CDYL: variants seen among roughly 807,000 people sequenced by gnomAD.
The protein encoded by CDYL is chromodomain Y like, also known as chromodomain Y-like protein.
CDYL carries 8 observed loss-of-function variants against 47.3 expected under a neutral mutation model. The observed-to-expected ratio is 0.17, with a 90% CI of 0.10 to 0.31. CDYL has a LOEUF of 0.31. Ranked by LOEUF, CDYL falls within the 10% of genes least tolerant of loss-of-function variation. CDYL has a pLI of 1.00. For synonymous variants in CDYL, 266 were observed against 265.0 expected, an observed-to-expected ratio of 1.00 and a Z score of -0.04; for missense variants, 471 against 701.4, an observed-to-expected ratio of 0.67 and a Z score of 3.71.
intron 3 of CDYL, among the ~76,000 whole-genome samples, chr6:4,749,349 GAGAT>G (rs536733861): frequency 3.5e-4 from 22 of 62,240 alleles, no homozygotes; most frequent in South Asian, 7.0e-4. Context: ...GGCTGGATAT[GAGAT>G]AGATGGATGG....
intron 2 of CDYL, among the ~76,000 whole-genome samples, chr6:4,721,541 G>T (rs952392164): frequency 6.6e-6 from 1 of 151,958 alleles, no homozygotes; most frequent in Admixed American, 6.6e-5. Context: ...GTGCCACCAC[G>T]CTTGGATAAT....
chr6:4,805,533 C>G (rs1759345619), intron 1 of CDYL, among the ~76,000 whole-genome samples: 1 of 152,112 alleles, frequency 6.6e-6, no homozygotes, highest in African/African-American at 2.4e-5. Context: ...TGATGGAGGC[C>G]TAGAAGTCCC....
At chr6:4,746,815 G>C (rs1757906852) in intron 3 of CDYL, among the ~76,000 whole-genome samples, 1 of 152,154 alleles carries the variant, frequency 6.6e-6, no homozygotes, top group Non-Finnish European at 1.5e-5. Context: ...TTTCCCAGAA[G>C]AGGACTGTTG....
At chr6:4,913,059 C>T (rs1757458119) in intron 2 of CDYL, among the ~76,000 whole-genome samples, 1 of 152,178 alleles carries the variant, frequency 6.6e-6, no homozygotes, top group Admixed American at 6.5e-5. Context: ...TCTCAGAGTC[C>T]AGGCCAGGCT....
chr6:4,766,742 C>T (rs1015586139), intron 3 of CDYL, among the ~76,000 whole-genome samples: 14 of 152,098 alleles, frequency 9.2e-5, no homozygotes, highest in African/African-American at 3.4e-4. Flanking sequence ...CAGTGGCTCA[C>T]ACCTGTAATC....
chr6:4,889,829 T>C (rs974289758), intron 1 of CDYL, among the ~76,000 whole-genome samples: 2 of 152,198 alleles, frequency 1.3e-5, no homozygotes, highest in African/African-American at 4.8e-5. Context: ...GTCTGGCCAC[T>C]GAGTATGCCT....
intron 2 of CDYL, among the ~76,000 whole-genome samples, chr6:4,911,197 G>A (rs1486660567): frequency 6.6e-6 from 1 of 152,144 alleles, no homozygotes; most frequent in East Asian, 1.9e-4. Context: ...AAATCCAAGC[G>A]AAGATGTCAT....
chr6:4,796,452 T>C (rs1759074925), intron 1 of CDYL, among the ~76,000 whole-genome samples: 1 of 152,218 alleles, frequency 6.6e-6, no homozygotes. Context: ...GTATTTTCTT[T>C]ATGAAGTATT....
At chr6:4,801,754 G>GCT (rs1759232116) in intron 1 of CDYL, among the ~76,000 whole-genome samples, 1 of 152,144 alleles carries the variant, frequency 6.6e-6, no homozygotes, top group South Asian at 2.1e-4. Flanking sequence ...CCAGCTTTGA[G>GCT]CTCTGTACTC....
chr6:4,931,694 A>T (rs922042099), intron 2 of CDYL, among the ~76,000 whole-genome samples: 5 of 152,134 alleles, frequency 3.3e-5, no homozygotes, highest in African/African-American at 7.2e-5. Context: ...CCCTACTCAG[A>T]TGAGTAACAG....
At chr6:4,929,759 A>G (rs1052518476) in intron 2 of CDYL, among the ~76,000 whole-genome samples, 18 of 152,302 alleles carry the variant, frequency 1.2e-4, no homozygotes, top group Admixed American at 4.6e-4. Context: ...ATGCTTGAGC[A>G]CATTGAGATT....
chr6:4,824,874 AT>A (rs928598763), intron 1 of CDYL, among the ~76,000 whole-genome samples: 11 of 148,808 alleles, frequency 7.4e-5, no homozygotes, highest in East Asian at 2.0e-4. Context: ...AGGCTGTTGG[AT>A]TTTTTTTTTC....
chr6:4,876,032 A>AT (rs1761612016), intron 1 of CDYL, among the ~76,000 whole-genome samples: 1 of 152,228 alleles, frequency 6.6e-6, no homozygotes, highest in South Asian at 2.1e-4. Context: ...AAACAAATGC[A>AT]TATACCTGGG....
intron 3 of CDYL, among the ~76,000 whole-genome samples, chr6:4,770,416 C>T (rs371831370): frequency 3.9e-5 from 6 of 152,166 alleles, no homozygotes; most frequent in South Asian, 2.1e-4. Context: ...TTACTTATTA[C>T]GGTTCTTTGT....
rs75306541 is a variant in CDYL, at chr6:4,898,671, T to C, written c.691+6292T>C. Among the ~76,000 whole-genome samples, 1,163 of 152,248 alleles carry C rather than the reference T, an allele frequency of 7.6e-3. 20 individuals carry two copies. The highest frequency in any genetic ancestry group is 0.027 in the African/African-American group (1,111 of 41,530). On this transcript the variant is annotated intron_variant, in intron 2 of 6. Transcript: ENST00000397588. ...CAGTTCCTCAGAGTGAGCATAGTGG[T>C]CCGCAAACCTGCGTGTGCTTAAGGA... is the stretch of plus-strand genomic sequence containing the variant.
At chr6:4,766,972 A>G (rs1581153075) in intron 3 of CDYL, among the ~76,000 whole-genome samples, 2 of 152,154 alleles carry the variant, frequency 1.3e-5, no homozygotes, top group Non-Finnish European at 2.9e-5. Context: ...ACTGTACTCC[A>G]GCCTGGGTGA....
At chr6:4,887,394 A>G in intron 1 of CDYL, among the ~76,000 whole-genome samples, 1 of 152,158 alleles carries the variant, frequency 6.6e-6, no homozygotes, top group Middle Eastern at 3.2e-3. Flanking sequence ...TCCACTTTAT[A>G]AGTTTTACAC....
At chr6:4,725,819 G>C (rs1022366582) in intron 2 of CDYL, among the ~76,000 whole-genome samples, 1 of 152,256 alleles carries the variant, frequency 6.6e-6, no homozygotes, top group Non-Finnish European at 1.5e-5. Context: ...AGGAGGCGCC[G>C]AGAGCGAGCG....
chr6:4,763,952 A>G (rs1439296814), intron 3 of CDYL, among the ~76,000 whole-genome samples: 2 of 152,150 alleles, frequency 1.3e-5, no homozygotes, highest in East Asian at 1.9e-4. Context: ...CCCAACCCCA[A>G]AAAAGAAAAA....
Sources: gnomAD v4.1 joint callset for allele counts (sites outside exome capture counted in the v4.1 genomes callset) on GRCh38, gnomAD v4.1.1 for gene constraint, MANE v1.5 for transcripts, NCBI Gene and HGNC (gene_info 2026-07-23, HGNC 2026-07-21) for gene names.